The following CFAP57 variants were observed in gnomAD, a reference collection of about 807,000 sequenced individuals.
CFAP57 encodes the protein cilia and flagella associated protein 57.
CFAP57 carries 116 observed loss-of-function variants against 146.8 expected under a neutral mutation model. The observed-to-expected ratio is 0.79, with a 90% CI of 0.68 to 0.92. The LOEUF (loss-of-function observed/expected upper bound fraction) is 0.92, where lower values mean the gene tolerates loss of function less well. Among genes scored for constraint, CFAP57 ranks in the 40% least tolerant of loss-of-function variants. CFAP57 has a pLI of 0.00. For synonymous variants in CFAP57, 518 were observed against 552.8 expected (o/e 0.94, Z 0.88); for missense variants, 1,377 against 1,527.2 (o/e 0.90, Z 1.64).
intron 3 of CFAP57, among the ~76,000 whole-genome samples, 185 bp downstream of exon 3, chr1:43,182,035 A>T (rs1557729974): frequency 6.6e-6 from 1 of 152,206 alleles, no homozygotes; most frequent in Non-Finnish European, 1.5e-5. Flanking sequence ...AGGATCCAAG[A>T]GGTTAAGTAA....
At chr1:43,199,628 G>T in intron 9 of CFAP57, 125 bp downstream of exon 9, 1 of 841,524 alleles carries the variant, frequency 1.2e-6, no homozygotes, top group South Asian at 1.4e-5. Flanking sequence ...TCTACTTGGG[G>T]AAAGAGACAA....
intron 6 of CFAP57, among the ~76,000 whole-genome samples, chr1:43,187,793 C>T (rs904928818): frequency 6.6e-6 from 1 of 152,054 alleles, no homozygotes; most frequent in South Asian, 2.1e-4. Context: ...GCTTCTTTGA[C>T]TTAGCATAAT....
intron 12 of CFAP57, among the ~76,000 whole-genome samples, chr1:43,218,712 A>G (rs1399421797): frequency 6.6e-6 from 1 of 152,222 alleles, no homozygotes; most frequent in African/African-American, 2.4e-5. Context: ...GAGTCTAAGA[A>G]GACATCAAGA....
chr1:43,191,471 C>T (rs1378447001), intron 6 of CFAP57, among the ~76,000 whole-genome samples: 1 of 151,494 alleles, frequency 6.6e-6, no homozygotes, highest in Non-Finnish European at 1.5e-5. Flanking sequence ...CCTGTGGTCC[C>T]AGCTACTCGG....
In CFAP57 at chr1:43,201,099, C is replaced by G. The variant is rs1195826005; in HGVS notation, c.1542+1596C>G. Among the ~76,000 whole-genome samples the G allele has an allele frequency of 6.6e-6, 1 of 152,004 alleles. No individual in the cohort carries two copies. The highest frequency in any genetic ancestry group is 2.4e-5 in the African/African-American group (1 of 41,374). ...AAGTGTGATGTATGTGTGTGGAGGT[C>G]AGGAGAGAAGTCAGGGCTGAGTATG... On this transcript the variant is annotated intron_variant, in intron 9 of 22. Coordinates refer to ENST00000372492, the MANE Select transcript of CFAP57 (RefSeq NM_001378189.1). The surrounding 1 kb of genome is among the most constrained non-coding windows in gnomAD (Gnocchi z 4.4).
rs184447998 is a variant in CFAP57, at chr1:43,249,413, A to G, written c.3539-4564A>G. Among the ~76,000 whole-genome samples, 285 of 144,670 alleles carry G rather than the reference A, an allele frequency of 2.0e-3. 1 individual carries two copies. The highest frequency in any genetic ancestry group is 0.012 in the South Asian group (53 of 4,576). The allele number at this position is 144,670 out of a possible 152,430, so 94.9% of individuals were successfully genotyped here. A position where few individuals can be genotyped will look rare whatever the true frequency, so the allele number is the denominator to read the frequency against. On this transcript the variant is annotated intron_variant, in intron 22 of 22. Transcript: ENST00000372492. ...ATACAAAGTTAGTTATTTCCTTCTT[A>G]ACCATTTCTTTTTTTTTTTTTTTTT... is the stretch of plus-strand genomic sequence containing the variant.
intron 21 of CFAP57, among the ~76,000 whole-genome samples, chr1:43,235,545 C>T (rs938935783): frequency 1.3e-5 from 2 of 152,170 alleles, no homozygotes; most frequent in Non-Finnish European, 1.5e-5. Context: ...GGGCAGAGCG[C>T]ACTGTGATTC....
chr1:43,202,714 C>T (rs1219302234), intron 9 of CFAP57, among the ~76,000 whole-genome samples: 3 of 150,462 alleles, frequency 2.0e-5, no homozygotes, highest in South Asian at 2.1e-4. Context: ...ACCTCGGAGG[C>T]GGAGGTTGCA....
chr1:43,192,635 A>G (rs1447880918), intron 6 of CFAP57, among the ~76,000 whole-genome samples: 4 of 147,544 alleles, frequency 2.7e-5, no homozygotes, highest in African/African-American at 1.0e-4. Context: ...AAAATAAATC[A>G]ATAAAAAAGC....
intron 21 of CFAP57, among the ~76,000 whole-genome samples, chr1:43,236,141 A>G (rs552595401): frequency 1.3e-5 from 2 of 152,078 alleles, no homozygotes; most frequent in Non-Finnish European, 2.9e-5. Flanking sequence ...TCAACAAATG[A>G]AGTCCCGGGA....
chr1:43,192,778 T>A lies in CFAP57; in HGVS notation c.1123-4775T>A, dbSNP rs192836376. 7.2e-4 allele frequency among the ~76,000 whole-genome samples: 108 copies of A among 150,114 alleles called. 1 individual carries two copies. Among genetic ancestry groups the A allele is most frequent in the African/African-American group, 2.6e-3 (106 of 40,708 alleles). ...AGTCTCTATTAAAAATACAAAAAAA[T>A]TAGCTGGGCGTGGTGGCACATGCCT... On this transcript the variant is annotated intron_variant, in intron 6 of 22. Transcript: ENST00000372492.
At chr1:43,204,991 G>A (rs1300120075) in intron 9 of CFAP57, among the ~76,000 whole-genome samples, 1 of 152,160 alleles carries the variant, frequency 6.6e-6, no homozygotes, top group Non-Finnish European at 1.5e-5. Flanking sequence ...GGCCCGTTGT[G>A]CCAGTGAGAC....
intron 6 of CFAP57, among the ~76,000 whole-genome samples, chr1:43,190,553 A>G (rs1288524094): frequency 6.6e-6 from 1 of 152,144 alleles, no homozygotes; most frequent in East Asian, 1.9e-4. Flanking sequence ...TACAGGCGTG[A>G]GTCACCGTGC....
rs1476600259 is a variant in CFAP57 at position 43,238,417 on chromosome 1, C to T, written c.3405+3779C>T. Among the ~76,000 whole-genome samples, 2 of 152,186 alleles carry T rather than the reference C, an allele frequency of 1.3e-5. No homozygotes were observed. Among genetic ancestry groups the T allele is most frequent in the Non-Finnish European group, 2.9e-5 (2 of 68,024 alleles). On this transcript the variant is annotated intron_variant, in intron 21 of 22. Transcript: ENST00000372492. The surrounding 1 kb of genome is among the most constrained non-coding windows in gnomAD (Gnocchi z 4.3). ...GCCCCTTTGCTTAGAAAGCTTTTTA[C>T]ATAAACAGTTTCACATCCCCCAAGA...
rs191095503 is a variant in CFAP57, at chr1:43,248,056, G to A, written c.3538+4697G>A. On this transcript the variant is annotated intron_variant, in intron 22 of 22. Transcript: ENST00000372492. ...TCAGCTACTGAAGCAGGAGAATGGC[G>A]TGAACCCAGGAGGCAGAGCTTGCAG... is the stretch of plus-strand genomic sequence containing the variant. Among the ~76,000 whole-genome samples, 607 of 149,480 alleles carry A rather than the reference G, an allele frequency of 4.1e-3. 3 individuals are homozygous for A. The highest frequency in any genetic ancestry group is 0.013 in the African/African-American group (524 of 40,624).
chr1:43,192,609 G>C lies in CFAP57; in HGVS notation c.1123-4944G>C, dbSNP rs370552130. Among the ~76,000 whole-genome samples the C allele has an allele frequency of 2.4e-4, 36 of 151,348 alleles. No homozygotes were observed. The East Asian group carries it at 2.5e-3, about 11-fold the overall frequency. On this transcript the variant is annotated intron_variant, in intron 6 of 22. Transcript: ENST00000372492. ...TTGCACTCCAGCCTGGGCAATAAGA[G>C]TGAAACTCCATCTCAAAAATAAATC...
At chr1:43,231,970 G>A (rs560915928) in intron 18 of CFAP57, 205 of 585,956 alleles carry the variant, frequency 3.5e-4, no homozygotes, top group Admixed American at 8.9e-4. Context: ...TCAACAGAAT[G>A]ATGAGGCTGA....
intron 21 of CFAP57, among the ~76,000 whole-genome samples, chr1:43,240,174 G>A (rs576040984): frequency 6.6e-5 from 10 of 152,274 alleles, no homozygotes; most frequent in African/African-American, 2.4e-4. Flanking sequence ...CCAAACTGGG[G>A]AGACCGAAGA....
chr1:43,197,466 T>A, intron 6 of CFAP57, 87 bp from the exon 7 acceptor site: 1 of 1,569,952 alleles, frequency 6.4e-7, no homozygotes, highest in Non-Finnish European at 8.8e-7. Context: ...CCAGGCTAAT[T>A]AATGTTCATG....
Sources: gnomAD v4.1 joint callset for allele counts (sites outside exome capture counted in the v4.1 genomes callset) on GRCh38, gnomAD v4.1.1 for gene constraint, Gnocchi (gnomAD v3.1) non-coding constraint, MANE v1.5 for transcripts, NCBI Gene and HGNC (gene_info 2026-07-23, HGNC 2026-07-21) for gene names.